DRAXIN: variants seen among roughly 807,000 people sequenced by gnomAD.
DRAXIN encodes the protein dorsal inhibitory axon guidance protein, also known as dorsal repulsive axon guidance protein.
In DRAXIN, 27 loss-of-function variants were observed where a neutral mutation model predicts 33.9. That is an observed-to-expected ratio of 0.80 (90% CI 0.59 to 1.10). DRAXIN has a LOEUF of 1.10. Ranked by LOEUF, DRAXIN falls within the 50% of genes least tolerant of loss-of-function variation. The probability of loss-of-function intolerance (pLI) is 0.00; values close to 1 mark genes in which losing one functional copy is unlikely to be tolerated. For synonymous variants in DRAXIN, 178 were observed against 194.0 expected (o/e 0.92, Z 0.69); for missense variants, 371 against 460.8 (o/e 0.81, Z 1.78).
intron 2 of DRAXIN, among the ~76,000 whole-genome samples, chr1:11,707,953 A>T (rs1641416132): frequency 6.6e-6 from 1 of 152,230 alleles, no homozygotes; most frequent in Non-Finnish European, 1.5e-5. Context: ...CAGTGGTGAC[A>T]GCAGGGTTCT....
rs1352650062 is a variant in DRAXIN, at chr1:11,704,946, CGA to C, written c.-10-1301_-10-1300del. On this transcript the variant is annotated intron_variant, in intron 1 of 6. Coordinates refer to ENST00000294485, the MANE Select transcript of DRAXIN (RefSeq NM_198545.4). This position sits in a 1 kb window ranked among gnomAD's most constrained non-coding sequence, Gnocchi z 4.6. ...GAAGGTGTTTCCCCCCTCCCCTCCA[CGA>C]GTGCGTGGTCAGAGCTTCGAGGGCA... 6.6e-6 allele frequency among the ~76,000 whole-genome samples: 1 copy of C among 152,198 alleles called. No homozygotes were observed. Among genetic ancestry groups the C allele is most frequent in the Non-Finnish European group, 1.5e-5 (1 of 68,030 alleles).
intron 1 of DRAXIN, among the ~76,000 whole-genome samples, chr1:11,697,408 T>C (rs182659564): frequency 9.8e-4 from 150 of 152,334 alleles, no homozygotes; most frequent in Middle Eastern, 3.4e-3. Flanking sequence ...TCCTATCAGA[T>C]TGGCAAATTC....
chr1:11,702,242 C>T (rs922113520), intron 1 of DRAXIN, among the ~76,000 whole-genome samples: 1 of 136,196 alleles, frequency 7.3e-6, no homozygotes. Context: ...CACATACACG[C>T]TCTCACACAC....
chr1:11,704,538 G>A lies in DRAXIN; in HGVS notation c.-10-1711G>A, dbSNP rs1368787506. Among the ~76,000 whole-genome samples the A allele has an allele frequency of 6.6e-6, 1 of 152,232 alleles. No individual in the cohort carries two copies. The highest frequency in any genetic ancestry group is 6.5e-5 in the Admixed American group (1 of 15,282). Reference sequence around the variant, plus strand: ...CTGAGCTCTGGCCTCAAGAGCACTTGTTAGGGAAGGGCTGGAGGCAAGGCC... The same window carrying A: ...CTGAGCTCTGGCCTCAAGAGCACTTATTAGGGAAGGGCTGGAGGCAAGGCC... On this transcript the variant is annotated intron_variant, in intron 1 of 6. Transcript: ENST00000294485. The surrounding 1 kb of genome is among the most constrained non-coding windows in gnomAD (Gnocchi z 4.6).
rs544358141 is a variant in DRAXIN, at chr1:11,705,298, G to A, written c.-10-951G>A. 1.2e-4 allele frequency among the ~76,000 whole-genome samples: 19 copies of A among 152,234 alleles called. No homozygotes were observed. Among genetic ancestry groups the A allele is most frequent in the South Asian group, 4.1e-4 (2 of 4,826 alleles). The stretch of plus-strand genomic sequence containing the variant: ...GGGGGAGCAGCTGCGGGTGGTGCAC[G>A]GGGGCAGGAGGTCTCCAGAGTCTGA... On this transcript the variant is annotated intron_variant, in intron 1 of 6. Coordinates refer to ENST00000294485, the MANE Select transcript of DRAXIN (RefSeq NM_198545.4). This position sits in a 1 kb window ranked among gnomAD's most constrained non-coding sequence, Gnocchi z 4.8.
chr1:11,713,910 G>A (rs1279510343), intron 5 of DRAXIN, among the ~76,000 whole-genome samples: 7 of 152,116 alleles, frequency 4.6e-5, no homozygotes, highest in Non-Finnish European at 8.8e-5. Context: ...GCAGGTGCCT[G>A]TAATCCTAGC....
Position 11,705,839 on chromosome 1 carries a change from T to C in DRAXIN, c.-10-410T>C, listed in dbSNP as rs900004884. 6.6e-6 allele frequency among the ~76,000 whole-genome samples: 1 copy of C among 152,154 alleles called. No homozygotes were observed. Among genetic ancestry groups the C allele is most frequent in the African/African-American group, 2.4e-5 (1 of 41,440 alleles). On this transcript the variant is annotated intron_variant, in intron 1 of 6. Transcript: ENST00000294485. The surrounding 1 kb of genome is among the most constrained non-coding windows in gnomAD (Gnocchi z 4.8). ...TCAAGTCTCAGGGGCCAGAGGCATA[T>C]TTCTGAGCTCTGAGGGACTCGGTTC... is the stretch of plus-strand genomic sequence containing the variant.
chr1:11,715,161 A>G lies in DRAXIN; in HGVS notation c.890A>G (p.Asn297Ser). The G allele has an allele frequency of 1.2e-6, 2 of 1,614,242 alleles. No homozygotes were observed. Among genetic ancestry groups the G allele is most frequent in the Non-Finnish European group, 8.5e-7 (1 of 1,180,050 alleles). The stretch of plus-strand genomic sequence containing the variant: ...CGGGAGCATCTCTGCACACCCCACA[A>G]CCGAGGCCTCAACAACAAATGCTTC... The part of the protein sequence containing the change: ...DLREHLCTPH[N>S]RGLNNKCFDD... The change falls in exon 6 of 7, where the codon AAC (asparagine) becomes AGC (serine). Residue 297 changes from asparagine to serine, a missense_variant. Asn to Ser is a conservative substitution (Grantham distance 46, BLOSUM62 1). Transcript: ENST00000294485.
At chr1:11,707,674 G>A (rs1641410245) in intron 2 of DRAXIN, among the ~76,000 whole-genome samples, 1 of 152,170 alleles carries the variant, frequency 6.6e-6, no homozygotes, top group South Asian at 2.1e-4. Context: ...CTTGCCTACC[G>A]CTCCTGCCTC....
Position 11,706,838 on chromosome 1 carries a change from G to C in DRAXIN, c.451+129G>C. On this transcript the variant is annotated intron_variant, in intron 2 of 6. Coordinates refer to ENST00000294485, the MANE Select transcript of DRAXIN (RefSeq NM_198545.4). The surrounding 1 kb of genome is among the most constrained non-coding windows in gnomAD (Gnocchi z 5.5). ...GAGAGGAGGGGTCTCACTGAAGCCA[G>C]AGGGACCTGGTAAGGGGAGGAGGCT... The C allele has an allele frequency of 4.8e-6, 5 of 1,031,678 alleles. No individual in the cohort carries two copies. Among genetic ancestry groups the C allele is most frequent in the Non-Finnish European group, 6.8e-6 (5 of 737,892 alleles). The allele number at this position is 1,031,678 out of a possible 1,614,324, so 63.9% of individuals were successfully genotyped here.
chr1:11,716,820 C>T (rs1641585603), intron 6 of DRAXIN, among the ~76,000 whole-genome samples: 1 of 152,202 alleles, frequency 6.6e-6, no homozygotes, highest in African/African-American at 2.4e-5. Flanking sequence ...TGATTATTCA[C>T]TCATCTAATC....
At chr1:11,688,668 C>T (rs1641006099), upstream of DRAXIN, among the ~76,000 whole-genome samples, 1 of 152,180 alleles carries the variant, frequency 6.6e-6, no homozygotes, top group Non-Finnish European at 1.5e-5. This position sits in a 1 kb window ranked among gnomAD's most constrained non-coding sequence, Gnocchi z 4.6. Context: ...TCCCTGTGGC[C>T]TTTGCAGGCT....
upstream of DRAXIN, among the ~76,000 whole-genome samples, chr1:11,686,778 G>T (rs1337709755): frequency 1.1e-5 from 1 of 92,904 alleles, no homozygotes; most frequent in Non-Finnish European, 2.0e-5. Flanking sequence ...CACAAGGTAA[G>T]AACTTTTGAT....
Position 11,702,549 on chromosome 1 carries a change from T to C in DRAXIN, c.-10-3700T>C, listed in dbSNP as rs1475189358. Among the ~76,000 whole-genome samples, 7 of 150,298 alleles carry C rather than the reference T, an allele frequency of 4.7e-5. 1 individual carries two copies. The highest frequency in any genetic ancestry group is 3.3e-4 in the Admixed American group (5 of 15,108). ...CTCACACATGCTCCACACACACACA[T>C]GCTAACACTCCCACACACTCACTAC... On this transcript the variant is annotated intron_variant, in intron 1 of 6. Transcript: ENST00000294485.
At position 11,692,771 on chromosome 1, in the gene DRAXIN, T is replaced by G. The variant is rs1182403109; in HGVS notation, c.-11+918T>G. Among the ~76,000 whole-genome samples, 1 of 152,118 alleles carries G rather than the reference T, an allele frequency of 6.6e-6. No individual in the cohort carries two copies. The highest frequency in any genetic ancestry group is 2.1e-4 in the South Asian group (1 of 4,822). ...GGTGTCTGGAACCGGTTCAGTACTA[T>G]GCATCTGGAGTCGGGTACACTGGGG... On this transcript the variant is annotated intron_variant, in intron 1 of 6. Transcript: ENST00000294485. This position sits in a 1 kb window ranked among gnomAD's most constrained non-coding sequence, Gnocchi z 5.8.
chr1:11,712,395 G>A lies in DRAXIN; in HGVS notation c.813G>A (p.Gly271=). ...SDGNETSPAE[G]EPCDHHQDCL... ...GTAACGAAACATCACCAGCCGAAGG[G>A]GAACCATGCGACCATCACCAAGACT... Residue 271 remains glycine (G), a synonymous_variant, in exon 5 of 7, where the codon GGG becomes GGA. Coordinates refer to ENST00000294485, the MANE Select transcript of DRAXIN (RefSeq NM_198545.4). 1 of 1,614,000 alleles carries A rather than the reference G, an allele frequency of 6.2e-7. No homozygotes were observed. The highest frequency in any genetic ancestry group is 8.5e-7 in the Non-Finnish European group (1 of 1,179,986).
Position 11,719,617 on chromosome 1 carries a change from G to A in DRAXIN, c.971G>A (p.Arg324His). 1 of 1,613,804 alleles carries A rather than the reference G, an allele frequency of 6.2e-7. No homozygotes were observed. ...TGCTATGCCAAATTCCACCGGAACC[G>A]CAGGGTTACACGGAGGAAAGGGCGC... ...LRCYAKFHRN[R>H]RVTRRKGRCV... is the part of the protein sequence containing the mutation. The change falls in exon 7 of 7, where the codon CGC becomes CAC. Residue 324 changes from arginine to histidine, a missense_variant. Transcript: ENST00000294485.
In DRAXIN at chr1:11,692,128, C is replaced by T. The variant is rs1199387248; in HGVS notation, c.-11+275C>T. On this transcript the variant is annotated intron_variant, in intron 1 of 6. Coordinates refer to ENST00000294485, the MANE Select transcript of DRAXIN (RefSeq NM_198545.4). This position sits in a 1 kb window ranked among gnomAD's most constrained non-coding sequence, Gnocchi z 5.8. ...ACCGCTGGACGCCCACTTTTCCACG[C>T]TCTGACACTCGGCCTCGCGCGCGCC... is the stretch of plus-strand genomic sequence containing the variant. Among the ~76,000 whole-genome samples, 1 of 152,058 alleles carries T rather than the reference C, an allele frequency of 6.6e-6. No homozygotes were observed. Among genetic ancestry groups the T allele is most frequent in the South Asian group, 2.1e-4 (1 of 4,830 alleles).
intron 2 of DRAXIN, 27 bp from the exon 3 acceptor site, chr1:11,709,248 C>T: frequency 1.9e-6 from 3 of 1,585,016 alleles, no homozygotes; most frequent in Non-Finnish European, 2.6e-6. Context: ...CAGATATAGC[C>T]CCCGTGCTCC....
Sources: allele counts gnomAD v4.1 joint callset (sites outside exome capture counted in the v4.1 genomes callset), GRCh38; gene constraint gnomAD v4.1.1; non-coding constraint Gnocchi (gnomAD v3.1); transcripts MANE v1.5; gene names NCBI Gene and HGNC (gene_info 2026-07-23, HGNC 2026-07-21).